The following GRID2 variants were observed in gnomAD, a reference collection of about 807,000 sequenced individuals.
The protein encoded by GRID2 is glutamate receptor ionotropic, delta-2.
Under a neutral mutation model 114.8 loss-of-function variants are expected in GRID2, and 33 were observed. The ratio of observed to expected loss-of-function variants is 0.29; its 90% CI spans 0.22 to 0.38. GRID2 has a LOEUF of 0.38. Ranked by LOEUF, GRID2 falls within the 10% of genes least tolerant of loss-of-function variation. The pLI is 1.00. For synonymous variants in GRID2, 505 were observed against 449.9 expected, an observed-to-expected ratio of 1.12 and a Z score of -1.55; for missense variants, 1,184 against 1,257.7, an observed-to-expected ratio of 0.94 and a Z score of 0.89.
At chr4:93,548,415 T>C (rs1364319691) in intron 13 of GRID2, among the ~76,000 whole-genome samples, 1 of 152,132 alleles carries the variant, frequency 6.6e-6, no homozygotes, top group African/African-American at 2.4e-5. Flanking sequence ...ATTCTGACGG[T>C]AAATTTTTTT....
chr4:93,053,661 G>T (rs1300749622), intron 2 of GRID2, among the ~76,000 whole-genome samples: 1 of 151,914 alleles, frequency 6.6e-6, no homozygotes, highest in African/African-American at 2.4e-5. Context: ...GAACCTCAAG[G>T]TGACTTAACC....
At chr4:92,694,915 A>G (rs1181191543) in intron 2 of GRID2, among the ~76,000 whole-genome samples, 1 of 152,160 alleles carries the variant, frequency 6.6e-6, no homozygotes, top group African/African-American at 2.4e-5. Flanking sequence ...AATGCTTAAT[A>G]TAGCTGACTA....
intron 2 of GRID2, among the ~76,000 whole-genome samples, chr4:93,015,383 G>A (rs1722581063): frequency 6.6e-6 from 1 of 152,164 alleles, no homozygotes; most frequent in South Asian, 2.1e-4. Context: ...GAGCCACATT[G>A]TGTGGGCACA....
At chr4:93,539,243 A>G (rs1255498009) in intron 13 of GRID2, among the ~76,000 whole-genome samples, 1 of 151,904 alleles carries the variant, frequency 6.6e-6, no homozygotes, top group Non-Finnish European at 1.5e-5. Context: ...TTATAATTGT[A>G]CTCATATCAA....
chr4:93,544,879 C>T (rs900841052), intron 13 of GRID2, among the ~76,000 whole-genome samples: 1 of 152,060 alleles, frequency 6.6e-6, no homozygotes, highest in Non-Finnish European at 1.5e-5. Context: ...TATTTAAACT[C>T]GTGGCTATCT....
chr4:93,410,182 G>C (rs1766968261), intron 9 of GRID2, among the ~76,000 whole-genome samples: 1 of 152,118 alleles, frequency 6.6e-6, no homozygotes, highest in Non-Finnish European at 1.5e-5. Context: ...AAAGTGATAA[G>C]GATGATGACA....
intron 14 of GRID2, among the ~76,000 whole-genome samples, chr4:93,704,765 G>A (rs1456520436): frequency 2.0e-5 from 3 of 152,052 alleles, no homozygotes; most frequent in African/African-American, 7.2e-5. Context: ...TTCCATCCAT[G>A]TTGTTTCAAA....
intron 4 of GRID2, among the ~76,000 whole-genome samples, chr4:93,167,171 T>G (rs1738332516): frequency 6.6e-6 from 1 of 152,092 alleles, no homozygotes; most frequent in Non-Finnish European, 1.5e-5. Flanking sequence ...AGCAAGCAAT[T>G]GTTGTTTCTC....
intron 2 of GRID2, among the ~76,000 whole-genome samples, chr4:92,646,587 T>C (rs1168172116): frequency 3.9e-5 from 6 of 152,206 alleles, no homozygotes; most frequent in Non-Finnish European, 7.4e-5. Flanking sequence ...TTATAACCCA[T>C]CCGGAATTAT....
At chr4:93,595,248 G>T (rs1167119783) in intron 13 of GRID2, among the ~76,000 whole-genome samples, 1 of 152,088 alleles carries the variant, frequency 6.6e-6, no homozygotes, top group Non-Finnish European at 1.5e-5. Flanking sequence ...TTTAGTTGTG[G>T]CCTCTCTTAT....
intron 14 of GRID2, among the ~76,000 whole-genome samples, chr4:93,706,566 G>C (rs940894747): frequency 6.6e-6 from 1 of 152,128 alleles, no homozygotes; most frequent in Non-Finnish European, 1.5e-5. Context: ...TGTTGATTTT[G>C]TATCCTGCAA....
chr4:92,331,403 T>A (rs1292285528), intron 1 of GRID2, among the ~76,000 whole-genome samples: 1 of 152,200 alleles, frequency 6.6e-6, no homozygotes, highest in African/African-American at 2.4e-5. Flanking sequence ...TGTCTTCTAG[T>A]ATTTGTGTTA....
chr4:93,490,926 C>G, intron 12 of GRID2, 149 bp downstream of exon 12: 1 of 561,776 alleles, frequency 1.8e-6, no homozygotes, highest in Non-Finnish European at 3.1e-6. Context: ...CAAAGTATCA[C>G]TGATTAGTCC....
At chr4:92,879,093 C>G (rs965324030) in intron 2 of GRID2, among the ~76,000 whole-genome samples, 1 of 152,084 alleles carries the variant, frequency 6.6e-6, no homozygotes, top group Non-Finnish European at 1.5e-5. Flanking sequence ...TATGTATATT[C>G]TATTTTCAAT....
intron 9 of GRID2, among the ~76,000 whole-genome samples, chr4:93,419,930 G>A (rs756848560): frequency 9.9e-5 from 15 of 152,010 alleles, no homozygotes; most frequent in Non-Finnish European, 1.6e-4. Context: ...CAGTATTTTT[G>A]CCACATCTAT....
At chr4:93,399,801 A>C (rs1193921051) in intron 9 of GRID2, among the ~76,000 whole-genome samples, 3 of 152,092 alleles carry the variant, frequency 2.0e-5, no homozygotes, top group Non-Finnish European at 4.4e-5. Flanking sequence ...ACCAGAAGTC[A>C]GAGGTTATGG....
chr4:92,588,158 T>G (rs1728539225), intron 1 of GRID2, among the ~76,000 whole-genome samples: 2 of 152,156 alleles, frequency 1.3e-5, no homozygotes, highest in Admixed American at 6.5e-5. Flanking sequence ...TTATCACATA[T>G]TAAAATAATT....
chr4:93,302,476 C>T (rs1754978510), intron 8 of GRID2: 1 of 431,294 alleles, frequency 2.3e-6, no homozygotes, highest in South Asian at 1.7e-5. Flanking sequence ...GGCAGAGTAA[C>T]TCTCACTGAG....
chr4:92,927,252 T>A (rs1049162404), intron 2 of GRID2, among the ~76,000 whole-genome samples: 14 of 151,890 alleles, frequency 9.2e-5, no homozygotes, highest in Non-Finnish European at 8.8e-5. Context: ...GTAATACCCC[T>A]ATCTTAGTTG....
Sources: allele counts gnomAD v4.1 joint callset (sites outside exome capture counted in the v4.1 genomes callset), GRCh38; gene constraint gnomAD v4.1.1; transcripts MANE v1.5; gene names NCBI Gene and HGNC (gene_info 2026-07-23, HGNC 2026-07-21).